The following CHL1 variants were observed in gnomAD, a reference collection of about 807,000 sequenced individuals.
CHL1 encodes the protein cell adhesion molecule L1 like.
A neutral mutation model predicts 141.9 loss-of-function variants in CHL1; 96 were observed. The observed-to-expected ratio is 0.68, with a 90% CI of 0.57 to 0.80. The LOEUF is 0.80. CHL1 is among the 30% of genes least tolerant of loss of function. The pLI is 0.00. For synonymous variants in CHL1, 613 were observed against 502.2 expected, an observed-to-expected ratio of 1.22 and a Z score of -2.95; for missense variants, 1,820 against 1,457.2, an observed-to-expected ratio of 1.25 and a Z score of -4.05.
chr3:259,305 TGTG>T (rs921532017), intron 2 of CHL1, among the ~76,000 whole-genome samples: 2 of 149,706 alleles, frequency 1.3e-5, no homozygotes, highest in African/African-American at 5.0e-5. Flanking sequence ...TGTGCGTGCT[TGTG>T]TGTGTGTGTG....
At chr3:239,629 G>C (rs1416551167) in intron 1 of CHL1, among the ~76,000 whole-genome samples, 1 of 146,668 alleles carries the variant, frequency 6.8e-6, no homozygotes, top group African/African-American at 2.5e-5. Context: ...TTTTTCATAG[G>C]CTTTTGGGAA....
intron 14 of CHL1, chr3:363,639 A>G: frequency 3.1e-6 from 1 of 325,112 alleles, no homozygotes; most frequent in Non-Finnish European, 5.6e-6. Flanking sequence ...GTCAATATTT[A>G]AAAATTACCT....
At chr3:360,452 A>G (rs772467490) in intron 12 of CHL1, 28 bp downstream of exon 12, 2 of 1,610,076 alleles carry the variant, frequency 1.2e-6, no homozygotes, top group East Asian at 2.2e-5. Context: ...CTGACTTAAC[A>G]TGCTATTTTC....
intron 11 of CHL1, among the ~76,000 whole-genome samples, chr3:359,082 T>C (rs140868204): frequency 1.7e-3 from 254 of 150,464 alleles, no homozygotes; most frequent in African/African-American, 5.8e-3. Context: ...CATAGTATCA[T>C]AGCAAGGGCA....
Position 382,476 on chromosome 3 carries a change from T to A in CHL1, c.1981T>A (p.Tyr661Asn). Residue 661 changes from tyrosine to asparagine, a missense_variant and splice_region_variant, in exon 18 of 28, where the codon TAT becomes AAT. Transcript: ENST00000256509. ...TTTTTCCCTGTTTATACTACCAGAG[T>A]ATATTGTTGAATTTGAAGGAAACAA... is the stretch of plus-strand genomic sequence containing the variant. ...GADHNSNISE[Y>N]IVEFEGNKEE... 6.2e-7 allele frequency: 1 copy of A among 1,612,278 alleles called. No individual in the cohort carries two copies. The highest frequency in any genetic ancestry group is 8.5e-7 in the Non-Finnish European group (1 of 1,178,380).
At chr3:216,063 A>C (rs1700291470) in intron 1 of CHL1, among the ~76,000 whole-genome samples, 1 of 152,234 alleles carries the variant, frequency 6.6e-6, no homozygotes, top group Non-Finnish European at 1.5e-5. Context: ...AATATAAGAA[A>C]ATGTGATACA....
chr3:383,941 G>T (rs898793204), intron 19 of CHL1, 55 bp downstream of exon 19: 2 of 1,194,776 alleles, frequency 1.7e-6, no homozygotes, highest in Non-Finnish European at 2.5e-6. Context: ...TTCCTCTTAG[G>T]TCTGCATGCT....
At chr3:267,846 G>A (rs1328675664) in intron 2 of CHL1, among the ~76,000 whole-genome samples, 4 of 152,086 alleles carry the variant, frequency 2.6e-5, no homozygotes, top group Admixed American at 6.6e-5. Flanking sequence ...AAAATATAAA[G>A]CAAATTAAGA....
At chr3:226,062 C>T (rs991300089) in intron 1 of CHL1, among the ~76,000 whole-genome samples, 2 of 151,290 alleles carry the variant, frequency 1.3e-5, no homozygotes, top group African/African-American at 4.8e-5. Flanking sequence ...CGTTCCGTCG[C>T]CCAGGAGAGA....
Position 390,765 on chromosome 3 carries a change from C to T in CHL1, c.2535C>T (p.Thr845=). The T allele has an allele frequency of 6.2e-7, 1 of 1,612,838 alleles. No individual in the cohort carries two copies. The highest frequency in any genetic ancestry group is 8.5e-7 in the Non-Finnish European group (1 of 1,178,850). ...DVINSTLVKV[T]WSTVPKDRVH... ...TAAACAGTACATTAGTTAAAGTTAC[C>T]TGGTCAACAGTTCCAAAGGACAGAG... is the stretch of plus-strand genomic sequence containing the variant. Residue 845 remains threonine (T), a synonymous_variant, in exon 21 of 28, where the codon ACC becomes ACT. Transcript: ENST00000256509.
chr3:336,956 C>G (rs9310982), intron 5 of CHL1, among the ~76,000 whole-genome samples: 4,746 of 152,102 alleles, frequency 0.031, 265 homozygotes, highest in African/African-American at 0.11. Context: ...TTTCAAAAAC[C>G]TAGATGTGAA....
At chr3:276,447 A>G (rs1371084657) in intron 2 of CHL1, among the ~76,000 whole-genome samples, 1 of 152,212 alleles carries the variant, frequency 6.6e-6, no homozygotes, top group African/African-American at 2.4e-5. Flanking sequence ...TTGCAGCATG[A>G]TTGGAATCCA....
intron 2 of CHL1, among the ~76,000 whole-genome samples, chr3:282,310 T>C (rs1696737015): frequency 6.6e-6 from 1 of 152,246 alleles, no homozygotes; most frequent in Non-Finnish European, 1.5e-5. Context: ...AAATTACTTT[T>C]ATACTGTGTA....
chr3:385,205 G>T (rs1319304496), intron 19 of CHL1, among the ~76,000 whole-genome samples: 7 of 152,116 alleles, frequency 4.6e-5, no homozygotes, highest in Admixed American at 1.3e-4. Context: ...TAATATAGTT[G>T]GTTAGATATC....
intron 4 of CHL1, among the ~76,000 whole-genome samples, chr3:326,368 T>C (rs1701015449): frequency 6.6e-6 from 1 of 152,052 alleles, no homozygotes; most frequent in Non-Finnish European, 1.5e-5. Flanking sequence ...AGCTGAAAAC[T>C]AGAAGATCCT....
chr3:401,349 A>T (rs1432020596), intron 26 of CHL1, among the ~76,000 whole-genome samples: 1 of 152,156 alleles, frequency 6.6e-6, no homozygotes, highest in Non-Finnish European at 1.5e-5. Flanking sequence ...TTCCAATAAG[A>T]CTTCTCGTTC....
chr3:391,798 G>T lies in CHL1; in HGVS notation c.2914+1G>T. 6.3e-7 allele frequency: 1 copy of T among 1,578,984 alleles called. No individual in the cohort carries two copies. The highest frequency in any genetic ancestry group is 8.6e-7 in the Non-Finnish European group (1 of 1,163,950). On this transcript the variant is annotated splice_donor_variant, in intron 23 of 27. Coordinates refer to ENST00000256509, the MANE Select transcript of CHL1 (RefSeq NM_006614.4). LOFTEE classifies it high-confidence loss of function. ...GGCTATCTTTTGCAATATCAGATAAGTAAGTAGAAATTTGAATTGGAGTTA... is the reference window on the plus strand; with the variant it reads ...GGCTATCTTTTGCAATATCAGATAATTAAGTAGAAATTTGAATTGGAGTTA...
chr3:282,410 T>C (rs187422073), intron 2 of CHL1, among the ~76,000 whole-genome samples: 4 of 152,326 alleles, frequency 2.6e-5, no homozygotes, highest in Admixed American at 6.5e-5. Flanking sequence ...TTTTAATACT[T>C]TCTTTTGTAT....
At chr3:349,317 C>T (rs766739615) in intron 9 of CHL1, 42 bp from the exon 10 acceptor site, 36 of 1,526,730 alleles carry the variant, frequency 2.4e-5, no homozygotes, top group Non-Finnish European at 2.9e-5. Context: ...TTTTACTTTC[C>T]GCTTTTAAAA....
Sources: gnomAD v4.1 joint callset for allele counts (sites outside exome capture counted in the v4.1 genomes callset) on GRCh38, gnomAD v4.1.1 for gene constraint, MANE v1.5 for transcripts, NCBI Gene and HGNC (gene_info 2026-07-23, HGNC 2026-07-21) for gene names.